The following RTN3 variants were observed in gnomAD, a reference collection of about 807,000 sequenced individuals.
RTN3 encodes the protein reticulon-3.
A neutral mutation model predicts 77.8 loss-of-function variants in RTN3; 49 were observed. That is an observed-to-expected ratio of 0.63 (90% CI 0.50 to 0.80). The LOEUF (loss-of-function observed/expected upper bound fraction) is 0.80, where lower values mean the gene tolerates loss of function less well. RTN3 is among the 30% of genes least tolerant of loss of function. RTN3 has a pLI of 0.00. For missense variants in RTN3, 1,236 were observed against 1,211.9 expected, an observed-to-expected ratio of 1.02 and a Z score of -0.29; for synonymous variants, 464 against 446.9, an observed-to-expected ratio of 1.04 and a Z score of -0.48.
intron 1 of RTN3, among the ~76,000 whole-genome samples, chr11:63,690,556 A>G (rs1941602293): frequency 1.3e-5 from 2 of 152,172 alleles, no homozygotes; most frequent in South Asian, 4.1e-4. Context: ...AGGCACAGAG[A>G]GTTTAATGCC....
At chr11:63,758,105 C>A in intron 8 of RTN3, 51 bp from the exon 9 acceptor site, 1 of 1,289,778 alleles carries the variant, frequency 7.8e-7, no homozygotes, top group Non-Finnish European at 1.1e-6. Context: ...AAACCTAGAG[C>A]AAATGCTAAT....
intron 1 of RTN3, among the ~76,000 whole-genome samples, chr11:63,683,892 T>G (rs1941198440): frequency 6.6e-6 from 1 of 151,394 alleles, no homozygotes; most frequent in African/African-American, 2.4e-5. Context: ...TTCCGAATAA[T>G]ATTAAATGCC....
At chr11:63,724,707 G>T (rs1430159642) in intron 3 of RTN3, among the ~76,000 whole-genome samples, 1 of 151,788 alleles carries the variant, frequency 6.6e-6, no homozygotes, top group East Asian at 1.9e-4. Flanking sequence ...TGGCCAGGCT[G>T]GTCTCGAACT....
At chr11:63,707,662 C>A (rs1385131014) in intron 2 of RTN3, among the ~76,000 whole-genome samples, 2 of 152,110 alleles carry the variant, frequency 1.3e-5, no homozygotes, top group East Asian at 3.9e-4. Flanking sequence ...GGCAAAATCC[C>A]GTCTCTACTA....
At chr11:63,685,302 C>G (rs1590767779) in intron 1 of RTN3, among the ~76,000 whole-genome samples, 1 of 151,444 alleles carries the variant, frequency 6.6e-6, no homozygotes, top group East Asian at 2.0e-4. Context: ...AGAGACCAGC[C>G]TGAACAACAT....
chr11:63,727,025 A>G (rs1228431828), intron 3 of RTN3, among the ~76,000 whole-genome samples: 1 of 152,094 alleles, frequency 6.6e-6, no homozygotes, highest in African/African-American at 2.4e-5. Flanking sequence ...CCCCATCTCC[A>G]CTAAAAAATA....
chr11:63,733,146 C>G (rs1019173497), intron 3 of RTN3, among the ~76,000 whole-genome samples: 8 of 150,344 alleles, frequency 5.3e-5, no homozygotes, highest in African/African-American at 2.0e-4. Context: ...GAAACCCTAT[C>G]TCTACTAAAA....
At chr11:63,688,803 C>T (rs1384720607) in intron 1 of RTN3, among the ~76,000 whole-genome samples, 1 of 152,128 alleles carries the variant, frequency 6.6e-6, no homozygotes, top group Non-Finnish European at 1.5e-5. Context: ...AGTTACCTGT[C>T]TAGTCCTGTG....
In RTN3 at chr11:63,758,593, TAAG is replaced by T. The variant is rs1003121764; in HGVS notation, c.*396_*398del. 1.4e-5 allele frequency: 6 copies of T among 416,304 alleles called. No homozygotes were observed. The highest frequency in any genetic ancestry group is 1.0e-4 in the African/African-American group (5 of 48,972). The allele number at this position is 416,304 out of a possible 1,614,324, so 25.8% of individuals were successfully genotyped here. ...CAGCTATCCATTATAGTTTTGCCCT[TAAG>T]AAGTCATGATTAACTTATGAAAAAA... On this transcript the variant is annotated 3_prime_UTR_variant, in exon 9 of 9. Coordinates refer to ENST00000377819, the MANE Select transcript of RTN3 (RefSeq NM_001265589.2).
Position 63,719,340 on chromosome 11 carries a change from G to T in RTN3, c.838G>T (p.Asp280Tyr), listed in dbSNP as rs774958033. Reference sequence around the variant, plus strand: ...TTTTGGTAGCTGGTCTGTGCACACTGATAAAGAATCATCCGAAGACATTTC... The same window carrying T: ...TTTTGGTAGCTGGTCTGTGCACACTTATAAAGAATCATCCGAAGACATTTC... ...DDFGSWSVHT[D>Y]KESSEDISET... The change falls in exon 3 of 9, where the codon GAT becomes TAT. Residue 280 changes from aspartate to tyrosine, a missense_variant. Coordinates refer to ENST00000377819, the MANE Select transcript of RTN3 (RefSeq NM_001265589.2). The T allele has an allele frequency of 6.2e-7, 1 of 1,614,140 alleles. No homozygotes were observed. The highest frequency in any genetic ancestry group is 1.7e-5 in the Admixed American group (1 of 60,010).
At position 63,708,376 on chromosome 11, in the gene RTN3, C is replaced by T. The variant is rs1261761399; in HGVS notation, c.199+3469C>T. Reference sequence around the variant, plus strand: ...ATAGAGACAAGGTCTCACTAGATTGCCCAGGCTGAACTCCTGAGCACAAGC... The same window carrying T: ...ATAGAGACAAGGTCTCACTAGATTGTCCAGGCTGAACTCCTGAGCACAAGC... On this transcript the variant is annotated intron_variant, in intron 2 of 8. Transcript: ENST00000377819. Among the ~76,000 whole-genome samples, 4 of 152,242 alleles carry T rather than the reference C, an allele frequency of 2.6e-5. 1 individual carries two copies. The highest frequency in any genetic ancestry group is 3.4e-3 in the Middle Eastern group (1 of 294).
intron 3 of RTN3, among the ~76,000 whole-genome samples, chr11:63,739,872 G>A (rs1189437357): frequency 6.6e-6 from 1 of 152,118 alleles, no homozygotes; most frequent in African/African-American, 2.4e-5. Context: ...GATGATGAGG[G>A]AGAAAGAAGA....
intron 2 of RTN3, among the ~76,000 whole-genome samples, chr11:63,718,015 CAAA>C (rs557512588): frequency 6.0e-5 from 6 of 100,742 alleles, no homozygotes; most frequent in East Asian, 3.0e-4. Context: ...GACTCCGTAT[CAAA>C]AAAAAAAAAA....
intron 4 of RTN3, among the ~76,000 whole-genome samples, chr11:63,750,692 TC>T (rs889767587): frequency 2.4e-4 from 36 of 152,004 alleles, no homozygotes; most frequent in African/African-American, 7.7e-4. Context: ...CCTTGGGTGA[TC>T]CGCCCGCCTC....
chr11:63,738,891 AGACT>A (rs2013301479), intron 3 of RTN3, among the ~76,000 whole-genome samples: 1 of 152,180 alleles, frequency 6.6e-6, no homozygotes, highest in Non-Finnish European at 1.5e-5. Context: ...AAATGGCACA[AGACT>A]GATTTCCTTT....
chr11:63,750,616 CTAA>C (rs1295569450), intron 4 of RTN3, among the ~76,000 whole-genome samples: 2 of 151,892 alleles, frequency 1.3e-5, no homozygotes, highest in Non-Finnish European at 2.9e-5. Context: ...CTATGCCCAG[CTAA>C]TTTTGTATTT....
intron 5 of RTN3, 125 bp downstream of exon 5, chr11:63,752,770 C>A (rs1014272667): frequency 1.3e-5 from 13 of 1,006,140 alleles, no homozygotes; most frequent in Non-Finnish European, 2.0e-5. Flanking sequence ...CTCAGTCATT[C>A]TATAATGGGA....
chr11:63,685,121 A>G (rs1044538848), intron 1 of RTN3, among the ~76,000 whole-genome samples: 1 of 152,160 alleles, frequency 6.6e-6, no homozygotes, highest in Non-Finnish European at 1.5e-5. Context: ...TCTAAAAAGC[A>G]CTAATACAGT....
At chr11:63,694,620 G>A (rs982164820) in intron 1 of RTN3, among the ~76,000 whole-genome samples, 4 of 151,758 alleles carry the variant, frequency 2.6e-5, no homozygotes, top group African/African-American at 7.3e-5. Context: ...CTGTAGGCGT[G>A]GCTATTTTTT....
Sources: allele counts gnomAD v4.1 joint callset (sites outside exome capture counted in the v4.1 genomes callset), GRCh38; gene constraint gnomAD v4.1.1; transcripts MANE v1.5; gene names NCBI Gene and HGNC (gene_info 2026-07-23, HGNC 2026-07-21).